FER: variants seen among roughly 807,000 people sequenced by gnomAD.
The protein encoded by FER is FER tyrosine kinase, also known as tyrosine-protein kinase Fer.
In FER, 63 loss-of-function variants were observed where a neutral mutation model predicts 111.0. That is an observed-to-expected ratio of 0.57 (90% CI 0.46 to 0.70). FER has a LOEUF of 0.70. Ranked by LOEUF, FER falls within the 30% of genes least tolerant of loss-of-function variation. The pLI is 0.00. For missense variants in FER, 914 were observed against 954.0 expected (o/e 0.96, Z 0.55); for synonymous variants, 327 against 313.9 (o/e 1.04, Z -0.44).
intron 9 of FER, among the ~76,000 whole-genome samples, chr5:108,891,900 T>C (rs1057313294): frequency 1.1e-4 from 16 of 151,940 alleles, no homozygotes; most frequent in Non-Finnish European, 1.8e-4. Context: ...CACCTATGAG[T>C]GAGAACATGC....
At chr5:108,765,700 A>G (rs536404930) in intron 1 of FER, among the ~76,000 whole-genome samples, 1 of 152,334 alleles carries the variant, frequency 6.6e-6, no homozygotes, top group South Asian at 2.1e-4. Context: ...AGAACAGGGA[A>G]TTCTAAATAA....
intron 4 of FER, among the ~76,000 whole-genome samples, chr5:108,835,242 T>G (rs1760525951): frequency 1.7e-5 from 2 of 118,034 alleles, no homozygotes; most frequent in South Asian, 6.0e-4. Flanking sequence ...AGTGCAGTGG[T>G]GTGATCTTGG....
At chr5:109,099,891 C>T (rs991586450) in intron 16 of FER, among the ~76,000 whole-genome samples, 3 of 151,400 alleles carry the variant, frequency 2.0e-5, no homozygotes, top group Non-Finnish European at 4.4e-5. Context: ...TCTCTCTGTC[C>T]GGACACTGCT....
rs555243612 is a variant in FER, at chr5:109,144,228, A to T, written c.2049-36519A>T. Reference sequence around the variant, plus strand: ...ACCATTTTTACCAATAGGTTTTTTTAAAAGTAAACAAGAAATTGATTAATT... The same window carrying T: ...ACCATTTTTACCAATAGGTTTTTTTTAAAGTAAACAAGAAATTGATTAATT... On this transcript the variant is annotated intron_variant, in intron 17 of 19. Coordinates refer to ENST00000281092, the MANE Select transcript of FER (RefSeq NM_005246.4). 4.1e-4 allele frequency among the ~76,000 whole-genome samples: 63 copies of T among 152,174 alleles called. 1 individual carries two copies. In the South Asian group the frequency reaches 0.012, roughly 30 times the overall value.
At chr5:108,871,076 A>G (rs115186147) in intron 6 of FER, among the ~76,000 whole-genome samples, 264 of 152,250 alleles carry the variant, frequency 1.7e-3, no homozygotes, top group African/African-American at 6.2e-3. Context: ...ATAGAAAGTT[A>G]TCAACTCTGG....
At chr5:109,121,575 C>A (rs73215514) in intron 17 of FER, among the ~76,000 whole-genome samples, 1 of 151,742 alleles carries the variant, frequency 6.6e-6, no homozygotes, top group Non-Finnish European at 1.5e-5. Flanking sequence ...TGTCTTTATC[C>A]GGTTTTAGTA....
intron 16 of FER, among the ~76,000 whole-genome samples, chr5:109,069,555 T>C (rs1443477117): frequency 2.6e-5 from 4 of 152,090 alleles, no homozygotes; most frequent in African/African-American, 7.2e-5. Flanking sequence ...CCTGAGTATA[T>C]TGAAGATAGA....
intron 17 of FER, among the ~76,000 whole-genome samples, chr5:109,173,622 A>G (rs748915248): frequency 2.0e-4 from 31 of 152,116 alleles, no homozygotes; most frequent in Non-Finnish European, 4.4e-4. Flanking sequence ...CTGCTCAACC[A>G]GTTTTCTCTT....
chr5:108,954,865 C>T lies in FER; in HGVS notation c.1466C>T (p.Pro489Leu), dbSNP rs1049176559. The T allele has an allele frequency of 2.3e-5, 37 of 1,611,474 alleles. No individual in the cohort carries two copies. Among genetic ancestry groups the T allele is most frequent in the Non-Finnish European group, 3.1e-5 (36 of 1,179,046 alleles). ...DFLVRESHGK[P>L]GEYVLSVYSD... Reference sequence around the variant, plus strand: ...TTGGTGCGAGAGAGTCATGGGAAACCTGGTGAATATGTCCTTTCTGTATAT... The same window carrying T: ...TTGGTGCGAGAGAGTCATGGGAAACTTGGTGAATATGTCCTTTCTGTATAT... The change falls in exon 12 of 20, where the codon CCT (proline) becomes CTT (leucine). Residue 489 changes from proline (P) to leucine (L), a missense_variant. This residue lies in a region of FER where 774 missense variants were observed against 782.6 expected (regional missense o/e 0.99). Transcript: ENST00000281092.
At chr5:108,808,664 A>G (rs1003487669) in intron 3 of FER, among the ~76,000 whole-genome samples, 1 of 151,806 alleles carries the variant, frequency 6.6e-6, no homozygotes, top group Admixed American at 6.6e-5. Context: ...ATTACTTTGT[A>G]GTTTGTATTG....
intron 17 of FER, among the ~76,000 whole-genome samples, chr5:109,112,009 A>G (rs1365863374): frequency 2.0e-5 from 3 of 152,176 alleles, no homozygotes; most frequent in Non-Finnish European, 2.9e-5. Flanking sequence ...ACACCTGCTT[A>G]TTATGCTCTT....
intron 16 of FER, among the ~76,000 whole-genome samples, chr5:109,062,767 A>G (rs979371692): frequency 1.3e-5 from 2 of 152,138 alleles, no homozygotes; most frequent in African/African-American, 4.8e-5. Flanking sequence ...TTCTTTCCCT[A>G]GGGATTAGTA....
At chr5:108,790,027 A>T (rs977509539) in intron 2 of FER, among the ~76,000 whole-genome samples, 29 of 152,036 alleles carry the variant, frequency 1.9e-4, no homozygotes, top group Non-Finnish European at 3.4e-4. Flanking sequence ...AGTTTTTTTT[A>T]AAAAATGTAA....
intron 17 of FER, among the ~76,000 whole-genome samples, chr5:109,136,483 A>G (rs1414191968): frequency 6.6e-6 from 1 of 152,122 alleles, no homozygotes; most frequent in East Asian, 1.9e-4. Flanking sequence ...TATAAAAGTA[A>G]TTTCATATTT....
chr5:109,042,222 G>T (rs528236588), intron 14 of FER, among the ~76,000 whole-genome samples: 22 of 152,188 alleles, frequency 1.4e-4, no homozygotes, highest in African/African-American at 5.3e-4. Flanking sequence ...ACAGTCAAGG[G>T]GCATAAGATT....
intron 3 of FER, among the ~76,000 whole-genome samples, chr5:108,828,235 G>A (rs964622961): frequency 1.3e-5 from 2 of 152,082 alleles, no homozygotes; most frequent in African/African-American, 4.8e-5. Context: ...AATGGATAGT[G>A]TTAACTTTCC....
At chr5:108,978,706 A>C (rs1195253584) in intron 13 of FER, among the ~76,000 whole-genome samples, 1 of 152,230 alleles carries the variant, frequency 6.6e-6, no homozygotes, top group African/African-American at 2.4e-5. Flanking sequence ...GTTTTAAAGA[A>C]CAGAACACTA....
In FER at chr5:109,150,288, C is replaced by T. The variant is rs77929472; in HGVS notation, c.2049-30459C>T. 7.5e-3 allele frequency among the ~76,000 whole-genome samples: 1,140 copies of T among 152,246 alleles called. 15 individuals carry two copies. The highest frequency in any genetic ancestry group is 0.026 in the African/African-American group (1,080 of 41,560). On this transcript the variant is annotated intron_variant, in intron 17 of 19. Coordinates refer to ENST00000281092, the MANE Select transcript of FER (RefSeq NM_005246.4). ...TCATCGCTTCCTTCCTTTGAACCCACCTTTCCCAGTATACCTCTCTTGCTC... is the reference window on the plus strand; with the variant it reads ...TCATCGCTTCCTTCCTTTGAACCCATCTTTCCCAGTATACCTCTCTTGCTC...
At chr5:108,785,270 G>A (rs1298637792) in intron 2 of FER, 8 of 550,294 alleles carry the variant, frequency 1.5e-5, no homozygotes, top group Admixed American at 2.4e-5. Context: ...GGATCTCAAC[G>A]AAGGCAAACA....
Sources: allele counts gnomAD v4.1 joint callset (sites outside exome capture counted in the v4.1 genomes callset), GRCh38; gene constraint gnomAD v4.1.1; regional missense constraint gnomAD v4.1.1; transcripts MANE v1.5; gene names NCBI Gene and HGNC (gene_info 2026-07-23, HGNC 2026-07-21).